The following RABGEF1 variants were observed in gnomAD, a reference collection of about 807,000 sequenced individuals.
RABGEF1 encodes rab5 GDP/GTP exchange factor.
A neutral mutation model predicts 57.3 loss-of-function variants in RABGEF1; 26 were observed. That is an observed-to-expected ratio of 0.45 (90% confidence interval 0.33 to 0.63). The LOEUF is 0.63. RABGEF1 is among the 20% of genes least tolerant of loss of function. RABGEF1 has a pLI of 0.02. For missense variants in RABGEF1, 464 were observed against 607.6 expected, an observed-to-expected ratio of 0.76 and a Z score of 2.48; for synonymous variants, 185 against 210.7, an observed-to-expected ratio of 0.88 and a Z score of 1.06.
At chr7:66,684,391 C>T (rs1428912305) in intron 1 of RABGEF1, among the ~76,000 whole-genome samples, 1 of 152,064 alleles carries the variant, frequency 6.6e-6, no homozygotes, top group Non-Finnish European at 1.5e-5. Context: ...TTGTCTGAAC[C>T]GAGGTTGCAC....
chr7:66,728,506 T>C (rs1018599689), intron 2 of RABGEF1, among the ~76,000 whole-genome samples: 1 of 152,186 alleles, frequency 6.6e-6, no homozygotes, highest in Non-Finnish European at 1.5e-5. Flanking sequence ...TGACCCACAA[T>C]GGCATTCCCA....
In RABGEF1 at chr7:66,810,927, G is replaced by T. The variant is rs1238334519; in HGVS notation, c.*1643G>T. ...CACATCTGTGTCATCACGCACTGAA[G>T]ACAGGAAGCAGTTCACTGAGTCAGC... On this transcript the variant is annotated 3_prime_UTR_variant, in exon 9 of 9. Transcript: ENST00000284957. 1 of 152,214 alleles carries T rather than the reference G, an allele frequency of 6.6e-6. No individual in the cohort carries two copies. Among genetic ancestry groups the T allele is most frequent in the African/African-American group, 2.4e-5 (1 of 41,464 alleles). The allele number at this position is 152,214 out of a possible 1,614,324, so 9.4% of individuals were successfully genotyped here.
Sources: gnomAD v4.1 joint callset for allele counts (sites outside exome capture counted in the v4.1 genomes callset) on GRCh38, gnomAD v4.1.1 for gene constraint, MANE v1.5 for transcripts, NCBI Gene and HGNC (gene_info 2026-07-23, HGNC 2026-07-21) for gene names.